Variants in NUBPL observed in about 807,000 individuals in gnomAD.
NUBPL encodes the protein NUBP iron-sulfur cluster assembly factor, mitochondrial.
Under a neutral mutation model 45.7 loss-of-function variants are expected in NUBPL, and 31 were observed. The observed-to-expected ratio is 0.68, with a 90% CI of 0.51 to 0.92. NUBPL has a LOEUF of 0.92. Ranked by LOEUF, NUBPL falls within the 40% of genes least tolerant of loss-of-function variation. The probability of loss-of-function intolerance (pLI) is 0.00; values close to 1 mark genes in which losing one functional copy is unlikely to be tolerated. For synonymous variants in NUBPL, 144 were observed against 140.9 expected, an observed-to-expected ratio of 1.02 and a Z score of -0.15; for missense variants, 401 against 398.7, an observed-to-expected ratio of 1.01 and a Z score of -0.05.
intron 4 of NUBPL, among the ~76,000 whole-genome samples, chr14:31,636,428 G>C (rs183208422): frequency 1.3e-3 from 203 of 152,190 alleles, no homozygotes; most frequent in Non-Finnish European, 2.2e-3. Flanking sequence ...GCTTTGCATC[G>C]CAGGGATGAA....
chr14:31,567,927 G>A (rs1453554488), intron 3 of NUBPL, among the ~76,000 whole-genome samples: 1 of 152,134 alleles, frequency 6.6e-6, no homozygotes, highest in African/African-American at 2.4e-5. Context: ...AAGAACCATG[G>A]ATCTAGAATT....
intron 10 of NUBPL, among the ~76,000 whole-genome samples, chr14:31,853,386 G>C (rs1325449975): frequency 6.6e-6 from 1 of 152,166 alleles, no homozygotes; most frequent in African/African-American, 2.4e-5. Context: ...TTTACTTTTA[G>C]GGGTTGACTC....
At chr14:31,697,870 G>C (rs1237607525) in intron 6 of NUBPL, among the ~76,000 whole-genome samples, 3 of 152,140 alleles carry the variant, frequency 2.0e-5, no homozygotes, top group Admixed American at 6.5e-5. Context: ...GGCCCCTGTT[G>C]AACAGGTAAG....
chr14:31,675,365 G>A lies in NUBPL; in HGVS notation c.513+1791G>A, dbSNP rs140778123. On this transcript the variant is annotated intron_variant, in intron 6 of 10. Coordinates refer to ENST00000281081, the MANE Select transcript of NUBPL (RefSeq NM_025152.3). ...AGCTGGTATTTTAGGCCTACACTGG[G>A]ACTAATGCTGATCATCAGAGCTAAG... Among the ~76,000 whole-genome samples, 302 of 152,250 alleles carry A rather than the reference G, an allele frequency of 2.0e-3. 1 individual carries two copies. Among genetic ancestry groups the A allele is most frequent in the African/African-American group, 6.7e-3 (278 of 41,534 alleles).
At chr14:31,844,873 C>T (rs2040428568) in intron 8 of NUBPL, 1 of 152,196 alleles carries the variant, frequency 6.6e-6, no homozygotes, top group African/African-American at 2.4e-5. Context: ...TACTGCTCCT[C>T]ATCAATGAGA....
At chr14:31,754,626 T>C (rs2038612281) in intron 6 of NUBPL, among the ~76,000 whole-genome samples, 1 of 135,418 alleles carries the variant, frequency 7.4e-6, no homozygotes, top group African/African-American at 2.9e-5. Flanking sequence ...TTTGAGATCT[T>C]GCCAATAGAT....
intron 3 of NUBPL, among the ~76,000 whole-genome samples, chr14:31,596,669 G>A (rs1422203432): frequency 6.6e-6 from 1 of 152,156 alleles, no homozygotes; most frequent in African/African-American, 2.4e-5. Flanking sequence ...TAAGTTTTTG[G>A]AGTTAGATCG....
intron 4 of NUBPL, among the ~76,000 whole-genome samples, chr14:31,628,977 A>G (rs1472382382): frequency 1.3e-5 from 2 of 152,230 alleles, no homozygotes; most frequent in African/African-American, 4.8e-5. Flanking sequence ...AGGTGCCAGC[A>G]GTTTTACCTA....
chr14:31,567,636 C>T (rs1041102982), intron 3 of NUBPL, among the ~76,000 whole-genome samples: 1 of 151,518 alleles, frequency 6.6e-6, no homozygotes, highest in Non-Finnish European at 1.5e-5. Flanking sequence ...TCTTATTTTC[C>T]ACTTGCTGTT....
intron 6 of NUBPL, among the ~76,000 whole-genome samples, chr14:31,770,272 A>G (rs1404887302): frequency 6.6e-6 from 1 of 152,122 alleles, no homozygotes; most frequent in Non-Finnish European, 1.5e-5. Context: ...GCCTTCCCCA[A>G]AATTTGGAGG....
chr14:31,718,895 C>T (rs2037746575), intron 6 of NUBPL, among the ~76,000 whole-genome samples: 1 of 152,200 alleles, frequency 6.6e-6, no homozygotes, highest in African/African-American at 2.4e-5. Context: ...CAGAATAAAT[C>T]TCTTTTTTGC....
chr14:31,819,020 G>T (rs1395074510), intron 7 of NUBPL, among the ~76,000 whole-genome samples: 4 of 152,098 alleles, frequency 2.6e-5, no homozygotes, highest in Non-Finnish European at 5.9e-5. Flanking sequence ...TTTCCTGTTG[G>T]TCTGTGAGTA....
intron 7 of NUBPL, among the ~76,000 whole-genome samples, chr14:31,813,859 A>T (rs1368302587): frequency 6.6e-6 from 1 of 152,216 alleles, no homozygotes; most frequent in East Asian, 1.9e-4. Context: ...TACAAAGAAC[A>T]TGAACTCATC....
chr14:31,699,887 CATTT>C (rs1279994248), intron 6 of NUBPL, among the ~76,000 whole-genome samples: 2 of 152,090 alleles, frequency 1.3e-5, no homozygotes, highest in African/African-American at 2.4e-5. Flanking sequence ...TAATATAATT[CATTT>C]ATTAAGTATA....
chr14:31,749,718 C>T (rs77248485), intron 6 of NUBPL, among the ~76,000 whole-genome samples: 5,484 of 151,906 alleles, frequency 0.036, 129 homozygotes, highest in African/African-American at 0.076. Context: ...GACTTTTGAG[C>T]TTCTTCATTT....
intron 7 of NUBPL, among the ~76,000 whole-genome samples, chr14:31,799,000 A>G (rs1268878352): frequency 6.6e-6 from 1 of 152,000 alleles, no homozygotes; most frequent in African/African-American, 2.4e-5. Context: ...ACACTATCAA[A>G]AAGTTTTTTT....
intron 4 of NUBPL, among the ~76,000 whole-genome samples, chr14:31,625,797 G>T (rs1016048029): frequency 6.6e-6 from 1 of 152,126 alleles, no homozygotes; most frequent in South Asian, 2.1e-4. Context: ...GGGGTTCATA[G>T]TCCAGTGGGG....
chr14:31,821,718 A>G (rs548393026), intron 7 of NUBPL, among the ~76,000 whole-genome samples: 1 of 152,378 alleles, frequency 6.6e-6, no homozygotes, highest in African/African-American at 2.4e-5. Context: ...CAGTATATCA[A>G]AGAGGTATCT....
chr14:31,674,065 C>T (rs1269773507), intron 6 of NUBPL, among the ~76,000 whole-genome samples: 1 of 152,146 alleles, frequency 6.6e-6, no homozygotes, highest in Non-Finnish European at 1.5e-5. Context: ...GTCCAATCAA[C>T]TTTAATTTAG....
Sources: gnomAD v4.1 joint callset for allele counts (sites outside exome capture counted in the v4.1 genomes callset) on GRCh38, gnomAD v4.1.1 for gene constraint, MANE v1.5 for transcripts, NCBI Gene and HGNC (gene_info 2026-07-23, HGNC 2026-07-21) for gene names.